COL24A1: variants seen among roughly 807,000 people sequenced by gnomAD.
The protein encoded by COL24A1 is collagen alpha-1(XXIV) chain.
Under a neutral mutation model 253.9 loss-of-function variants are expected in COL24A1, and 224 were observed. The observed-to-expected ratio is 0.88, with a 90% CI of 0.79 to 0.99. COL24A1 has a LOEUF of 0.99. Among genes scored for constraint, COL24A1 ranks in the 50% least tolerant of loss-of-function variants. The pLI, the probability that COL24A1 is intolerant of heterozygous loss-of-function variation, is 0.00. For missense variants in COL24A1, 2,131 were observed against 2,068.5 expected, an observed-to-expected ratio of 1.03 and a Z score of -0.59; for synonymous variants, 685 against 673.7, an observed-to-expected ratio of 1.02 and a Z score of -0.26.
intron 20 of COL24A1, among the ~76,000 whole-genome samples, chr1:85,983,561 A>G (rs1693447084): frequency 1.3e-5 from 2 of 151,934 alleles, no homozygotes; most frequent in South Asian, 4.1e-4. Flanking sequence ...CATGTATTTC[A>G]AATACAGTGC....
At chr1:85,831,493 C>A (rs755781308) in intron 43 of COL24A1, among the ~76,000 whole-genome samples, 3 of 152,010 alleles carry the variant, frequency 2.0e-5, no homozygotes, top group Non-Finnish European at 4.4e-5. Flanking sequence ...AGTTTTGTTA[C>A]AATTACTTTG....
intron 2 of COL24A1, among the ~76,000 whole-genome samples, chr1:86,141,051 G>A (rs1467828301): frequency 1.3e-5 from 2 of 152,174 alleles, no homozygotes; most frequent in Admixed American, 6.5e-5. Flanking sequence ...ATAAGGAAAT[G>A]TGGTTTAGAA....
chr1:86,049,497 A>G (rs527968379), intron 11 of COL24A1, among the ~76,000 whole-genome samples: 1 of 152,300 alleles, frequency 6.6e-6, no homozygotes, highest in South Asian at 2.1e-4. Flanking sequence ...AATATTGTTC[A>G]ATTCTACTGT....
At chr1:86,076,638 C>CTA (rs950968340) in intron 7 of COL24A1, among the ~76,000 whole-genome samples, 1 of 151,962 alleles carries the variant, frequency 6.6e-6, no homozygotes, top group African/African-American at 2.4e-5. Flanking sequence ...TGACTTCAAA[C>CTA]TATACTATAA....
At chr1:85,995,667 T>C (rs927854270) in intron 19 of COL24A1, among the ~76,000 whole-genome samples, 2 of 152,130 alleles carry the variant, frequency 1.3e-5, no homozygotes, top group Admixed American at 1.3e-4. Flanking sequence ...TTCACTATCC[T>C]GATTTTGTTC....
intron 27 of COL24A1, 79 bp from the exon 28 acceptor site, chr1:85,907,326 CAT>C: frequency 8.5e-7 from 1 of 1,175,428 alleles, no homozygotes; most frequent in South Asian, 1.3e-5. Context: ...TTTCTTATAA[CAT>C]ATATCCTTCT....
At position 86,050,170 on chromosome 1, in the gene COL24A1, A is replaced by G. The variant is rs2101676058; in HGVS notation, c.1859T>C (p.Ile620Thr). 3.1e-6 allele frequency: 5 copies of G among 1,613,384 alleles called. No homozygotes were observed. Among genetic ancestry groups the G allele is most frequent in the East Asian group, 4.5e-5 (2 of 44,824 alleles). ...TTGTCCCGCTTCTCCAGGAGAGCCA[A>G]TAAAACCCTTAAAACAAGAAAATAG... ...NPGPKGAQGF[I>T]GSPGEAGQLG... Residue 620 changes from isoleucine to threonine, a missense_variant, in exon 11 of 60, where the codon ATT becomes ACT. Physicochemically the swap from Ile to Thr is moderately conservative, Grantham distance 89. Coordinates refer to ENST00000370571, the MANE Select transcript of COL24A1 (RefSeq NM_152890.7).
chr1:85,792,523 T>TAAA (rs34566729), intron 47 of COL24A1, among the ~76,000 whole-genome samples: 64 of 128,080 alleles, frequency 5.0e-4, no homozygotes, highest in Non-Finnish European at 6.3e-4. Context: ...ACCCCATCTC[T>TAAA]AAAAAAAAAA....
intron 39 of COL24A1, among the ~76,000 whole-genome samples, chr1:85,844,720 A>G (rs1676984849): frequency 6.6e-6 from 1 of 152,030 alleles, no homozygotes; most frequent in Non-Finnish European, 1.5e-5. Flanking sequence ...CACTTACTAA[A>G]TATGAAAATC....
At chr1:86,115,816 T>A (rs1187269087) in intron 3 of COL24A1, among the ~76,000 whole-genome samples, 1 of 152,182 alleles carries the variant, frequency 6.6e-6, no homozygotes, top group Non-Finnish European at 1.5e-5. Context: ...TTTAAAAGAA[T>A]TATACCAAGG....
chr1:86,000,974 A>G (rs987290820), intron 19 of COL24A1, among the ~76,000 whole-genome samples: 8 of 152,248 alleles, frequency 5.3e-5, no homozygotes, highest in African/African-American at 1.9e-4. Context: ...CTATGCTTAA[A>G]GAAATAGAAA....
intron 19 of COL24A1, among the ~76,000 whole-genome samples, chr1:85,989,382 G>A (rs752842842): frequency 2.0e-5 from 3 of 151,450 alleles, no homozygotes; most frequent in Non-Finnish European, 2.9e-5. Flanking sequence ...CCACCACCAC[G>A]ACCATCTTCC....
intron 37 of COL24A1, among the ~76,000 whole-genome samples, chr1:85,864,058 C>G (rs1679487912): frequency 6.6e-6 from 1 of 152,018 alleles, no homozygotes; most frequent in African/African-American, 2.4e-5. Flanking sequence ...GGGTATATAC[C>G]CAAAGGATTA....
chr1:85,862,922 ATG>A (rs1679328840), intron 37 of COL24A1, among the ~76,000 whole-genome samples: 1 of 152,152 alleles, frequency 6.6e-6, no homozygotes, highest in Non-Finnish European at 1.5e-5. Flanking sequence ...GGCCATTTTC[ATG>A]ATACTGATTC....
At chr1:86,136,017 T>C (rs921571951) in intron 2 of COL24A1, among the ~76,000 whole-genome samples, 11 of 152,092 alleles carry the variant, frequency 7.2e-5, no homozygotes. Flanking sequence ...TCATTCTAAA[T>C]GGCTTCTAGC....
chr1:85,946,194 C>T (rs552783591), intron 24 of COL24A1, among the ~76,000 whole-genome samples: 2 of 152,296 alleles, frequency 1.3e-5, no homozygotes, highest in African/African-American at 4.8e-5. Context: ...CTGTAATGAG[C>T]TTTCCTGGTA....
In COL24A1 at chr1:85,747,214, CGATT is replaced by C. The variant is rs1302722847; in HGVS notation, c.4438-1712_4438-1709del. Reference sequence around the variant, plus strand: ...GCAACCTCCGCTTCCCAGGTTCAAGCGATTCTCCTGCCTCTCAGCCTCCCAAGTA... The same window carrying C: ...GCAACCTCCGCTTCCCAGGTTCAAGCCTCCTGCCTCTCAGCCTCCCAAGTA... On this transcript the variant is annotated intron_variant, in intron 55 of 59. Transcript: ENST00000370571. Among the ~76,000 whole-genome samples, 3 of 149,692 alleles carry C rather than the reference CGATT, an allele frequency of 2.0e-5. No homozygotes were observed. The Admixed American group carries it at 2.0e-4, about 10-fold the overall frequency.
intron 20 of COL24A1, among the ~76,000 whole-genome samples, chr1:85,977,280 G>C (rs481277): frequency 6.6e-6 from 1 of 151,882 alleles, no homozygotes; most frequent in East Asian, 1.9e-4. Flanking sequence ...GAAGGAACCA[G>C]AAAAGTAATT....
chr1:86,156,678 T>G lies in COL24A1; in HGVS notation c.-282A>C. On this transcript the variant is annotated 5_prime_UTR_variant, in exon 1 of 60. Transcript: ENST00000370571. ...GGGCGGGCGAGGAGGTAAACCTCAC[T>G]GGGAGGCCTCGGGGCGCCGGCGGCA... 1 of 291,040 alleles carries G rather than the reference T, an allele frequency of 3.4e-6. No individual in the cohort carries two copies. Among genetic ancestry groups the G allele is most frequent in the Non-Finnish European group, 6.3e-6 (1 of 157,884 alleles). 18.0% of individuals were successfully genotyped at this position (291,040 alleles called of 1,614,324 possible).
Sources: gnomAD v4.1 joint callset for allele counts (sites outside exome capture counted in the v4.1 genomes callset) on GRCh38, gnomAD v4.1.1 for gene constraint, MANE v1.5 for transcripts, NCBI Gene and HGNC (gene_info 2026-07-23, HGNC 2026-07-21) for gene names.